The following GPC5 variants were observed in gnomAD, a reference collection of about 807,000 sequenced individuals.
The protein encoded by GPC5 is glypican-5.
A neutral mutation model predicts 53.9 loss-of-function variants in GPC5; 47 were observed. That is an observed-to-expected ratio of 0.87 (90% confidence interval 0.69 to 1.11). GPC5 has a LOEUF of 1.11. Ranked by LOEUF, GPC5 falls within the 50% of genes most tolerant of loss-of-function variation. The pLI, the probability that GPC5 is intolerant of heterozygous loss-of-function variation, is 0.00. For missense variants in GPC5, 748 were observed against 713.1 expected, an observed-to-expected ratio of 1.05 and a Z score of -0.56; for synonymous variants, 286 against 263.3, an observed-to-expected ratio of 1.09 and a Z score of -0.84.
intron 5 of GPC5, among the ~76,000 whole-genome samples, chr13:91,793,001 A>T (rs2352029): frequency 3.3e-5 from 5 of 151,916 alleles, no homozygotes; most frequent in African/African-American, 9.7e-5. Context: ...AAACCCTTCA[A>T]GTCGTTCCAT....
At chr13:92,632,099 G>C (rs1418889587) in intron 7 of GPC5, among the ~76,000 whole-genome samples, 3 of 152,124 alleles carry the variant, frequency 2.0e-5, no homozygotes, top group African/African-American at 7.2e-5. Flanking sequence ...TGCTGGACTT[G>C]AGAAAGAATA....
intron 4 of GPC5, among the ~76,000 whole-genome samples, chr13:91,755,614 C>G (rs2037273108): frequency 6.6e-6 from 1 of 151,904 alleles, no homozygotes; most frequent in South Asian, 2.1e-4. Flanking sequence ...TGAATTTTTC[C>G]TCTGATAATT....
chr13:91,722,294 G>A (rs891854541), intron 3 of GPC5, among the ~76,000 whole-genome samples: 5 of 152,060 alleles, frequency 3.3e-5, no homozygotes, highest in Admixed American at 3.3e-4. Context: ...CTTATTTAAC[G>A]ACATTGGCCC....
intron 7 of GPC5, among the ~76,000 whole-genome samples, chr13:92,834,170 C>G (rs9584067): frequency 4.6e-5 from 7 of 151,952 alleles, no homozygotes; most frequent in African/African-American, 1.7e-4. Context: ...CACTTCCTGG[C>G]AGCTAATAAA....
chr13:92,418,312 G>A (rs1038347959), intron 7 of GPC5, among the ~76,000 whole-genome samples: 1 of 152,070 alleles, frequency 6.6e-6, no homozygotes, highest in Non-Finnish European at 1.5e-5. Flanking sequence ...TATGGTATAT[G>A]AATAATATTT....
intron 2 of GPC5, among the ~76,000 whole-genome samples, chr13:91,580,077 G>A (rs75447800): frequency 0.097 from 14,679 of 152,094 alleles, 812 homozygotes; most frequent in South Asian, 0.32. Context: ...TTGAAACAGA[G>A]TCTTGCTCTG....
In GPC5 at chr13:91,893,222, A is replaced by G. The variant is rs2039406296; in HGVS notation, c.1281-14715A>G. On this transcript the variant is annotated intron_variant, in intron 5 of 7. Coordinates refer to ENST00000377067, the MANE Select transcript of GPC5 (RefSeq NM_004466.6). ...ATCCTAACACCTTGAAACATCTAGC[A>G]GAGACAAATATAATCCTGTCTGACC... Among the ~76,000 whole-genome samples the G allele has an allele frequency of 1.3e-5, 2 of 152,080 alleles. 1 individual carries two copies. The highest frequency in any genetic ancestry group is 4.1e-4 in the South Asian group (2 of 4,834).
At chr13:91,726,220 C>T (rs1023007956) in intron 3 of GPC5, among the ~76,000 whole-genome samples, 4 of 152,154 alleles carry the variant, frequency 2.6e-5, no homozygotes, top group South Asian at 2.1e-4. Flanking sequence ...ATCATTTGCC[C>T]GGCCCTGTTG....
chr13:91,791,920 A>G (rs1462023071), intron 5 of GPC5, among the ~76,000 whole-genome samples: 1 of 152,258 alleles, frequency 6.6e-6, no homozygotes, highest in African/African-American at 2.4e-5. Context: ...ACGTATGTAT[A>G]TTCATAACGC....
At chr13:91,920,926 CTTTT>C (rs869309251) in intron 6 of GPC5, among the ~76,000 whole-genome samples, 3 of 32,154 alleles carry the variant, frequency 9.3e-5, no homozygotes, top group South Asian at 3.2e-3. Context: ...CTCTCTCTCT[CTTTT>C]TTTTTTTTTT....
intron 7 of GPC5, among the ~76,000 whole-genome samples, chr13:92,174,839 A>G (rs1234000731): frequency 2.0e-5 from 3 of 152,200 alleles, no homozygotes; most frequent in Non-Finnish European, 4.4e-5. Flanking sequence ...TGAGACTTCG[A>G]AAAGTCCTCC....
At chr13:91,762,046 C>A (rs907118111) in intron 5 of GPC5, among the ~76,000 whole-genome samples, 1 of 152,126 alleles carries the variant, frequency 6.6e-6, no homozygotes, top group Non-Finnish European at 1.5e-5. Context: ...TATCATAGCA[C>A]CCTGGTAAAA....
At chr13:92,539,170 C>T (rs957393315) in intron 7 of GPC5, among the ~76,000 whole-genome samples, 2 of 149,118 alleles carry the variant, frequency 1.3e-5, no homozygotes, top group Non-Finnish European at 3.0e-5. Flanking sequence ...GATTTATAAT[C>T]CTTTGGGTAT....
At chr13:92,651,000 T>C (rs1486293057) in intron 7 of GPC5, among the ~76,000 whole-genome samples, 2 of 151,928 alleles carry the variant, frequency 1.3e-5, no homozygotes, top group Non-Finnish European at 2.9e-5. Flanking sequence ...GAACATGTGG[T>C]GTTTGGTTTT....
intron 6 of GPC5, among the ~76,000 whole-genome samples, chr13:92,019,294 G>A (rs1203757946): frequency 6.6e-6 from 1 of 151,498 alleles, no homozygotes; most frequent in African/African-American, 2.4e-5. Flanking sequence ...ATTTCTGAAC[G>A]TTTTACTATT....
chr13:92,365,402 G>T (rs1324538306), intron 7 of GPC5, among the ~76,000 whole-genome samples: 1 of 151,718 alleles, frequency 6.6e-6, no homozygotes. Context: ...GCTCTGGGCA[G>T]GTTAATGAGT....
At chr13:91,704,941 T>G (rs948028386) in intron 3 of GPC5, among the ~76,000 whole-genome samples, 2 of 152,168 alleles carry the variant, frequency 1.3e-5, no homozygotes. Flanking sequence ...TTAATAAAAC[T>G]TTGCATTATT....
At chr13:92,365,827 C>T (rs1199752145) in intron 7 of GPC5, among the ~76,000 whole-genome samples, 1 of 151,166 alleles carries the variant, frequency 6.6e-6, no homozygotes, top group Non-Finnish European at 1.5e-5. Flanking sequence ...CTATCATTAC[C>T]TACGGTAACA....
intron 2 of GPC5, among the ~76,000 whole-genome samples, chr13:91,575,079 A>G (rs1222820539): frequency 6.6e-6 from 1 of 152,172 alleles, no homozygotes; most frequent in Admixed American, 6.5e-5. Context: ...TAGTGACTGC[A>G]TGTACCACAT....
Sources: gnomAD v4.1 joint callset for allele counts (sites outside exome capture counted in the v4.1 genomes callset) on GRCh38, gnomAD v4.1.1 for gene constraint, MANE v1.5 for transcripts, NCBI Gene and HGNC (gene_info 2026-07-23, HGNC 2026-07-21) for gene names.